Variants in MYO5A observed in about 807,000 individuals in gnomAD.
MYO5A encodes unconventional myosin-Va.
In MYO5A, 98 loss-of-function variants were observed where a neutral mutation model predicts 249.7. The ratio of observed to expected loss-of-function variants is 0.39; its 90% CI spans 0.33 to 0.46. MYO5A has a LOEUF of 0.46. MYO5A is among the 20% of genes least tolerant of loss of function. MYO5A has a pLI of 0.98. For synonymous variants in MYO5A, 778 were observed against 810.6 expected (o/e 0.96, Z 0.68); for missense variants, 1,696 against 2,308.8 (o/e 0.73, Z 5.44).
intron 1 of MYO5A, among the ~76,000 whole-genome samples, chr15:52,443,035 G>C (rs2075816923): frequency 6.6e-6 from 1 of 152,302 alleles, no homozygotes; most frequent in East Asian, 1.9e-4. Context: ...ACAGGCGTGA[G>C]CCACCGTGCC....
intron 4 of MYO5A, 108 bp downstream of exon 4, chr15:52,425,722 G>T (rs1050904926): frequency 1.6e-6 from 2 of 1,278,872 alleles, no homozygotes; most frequent in Non-Finnish European, 2.2e-6. Flanking sequence ...TGCTTATTTA[G>T]TAATTATTTA....
chr15:52,367,101 T>C lies in MYO5A; in HGVS notation c.3090A>G (p.Glu1030=), dbSNP rs1345785280. Reference sequence around the variant, plus strand: ...CTTTTTCTTGCTTCAGCAAAGTATTTTCTTCCTTCAGATTTGATACCAGCT... The same window carrying C: ...CTTTTTCTTGCTTCAGCAAAGTATTCTCTTCCTTCAGATTTGATACCAGCT... ...TEQLVSNLKE[E]NTLLKQEKEA... Residue 1030 remains glutamate (E), a synonymous_variant, in exon 23 of 42, where the codon GAA becomes GAG. Transcript: ENST00000399233. The C allele has an allele frequency of 1.9e-6, 3 of 1,613,546 alleles. No individual in the cohort carries two copies. The highest frequency in any genetic ancestry group is 2.5e-6 in the Non-Finnish European group (3 of 1,179,702).
chr15:52,475,145 T>C (rs1214665627), intron 1 of MYO5A, among the ~76,000 whole-genome samples: 1 of 152,226 alleles, frequency 6.6e-6, no homozygotes, highest in East Asian at 1.9e-4. Context: ...AATTTATCCA[T>C]TTCTTCTAGA....
At chr15:52,488,634 AAAT>A (rs1038733727) in intron 1 of MYO5A, among the ~76,000 whole-genome samples, 69 of 152,330 alleles carry the variant, frequency 4.5e-4, no homozygotes, top group African/African-American at 1.5e-3. Flanking sequence ...CATATGAGTG[AAAT>A]AATAAAATGG....
intron 9 of MYO5A, among the ~76,000 whole-genome samples, chr15:52,403,097 C>T (rs559475769): frequency 1.1e-3 from 173 of 152,258 alleles, no homozygotes; most frequent in African/African-American, 3.9e-3. Context: ...GAAAACAGTA[C>T]ACTCAAATTT....
At chr15:52,526,026 T>C (rs1318580996) in intron 1 of MYO5A, among the ~76,000 whole-genome samples, 1 of 152,198 alleles carries the variant, frequency 6.6e-6, no homozygotes, top group Non-Finnish European at 1.5e-5. Context: ...CTGCTTGCCA[T>C]TAAGCTAAGG....
At chr15:52,415,827 C>A (rs186295787) in intron 5 of MYO5A, among the ~76,000 whole-genome samples, 1 of 152,186 alleles carries the variant, frequency 6.6e-6, no homozygotes, top group Non-Finnish European at 1.5e-5. Context: ...AGGAAAGGAA[C>A]AATAGACATG....
At chr15:52,521,460 A>G (rs958785097) in intron 1 of MYO5A, among the ~76,000 whole-genome samples, 1 of 152,172 alleles carries the variant, frequency 6.6e-6, no homozygotes, top group Admixed American at 6.5e-5. Flanking sequence ...CAAAAGATGG[A>G]CAAAACCTAT....
chr15:52,439,055 G>A (rs2075729380), intron 1 of MYO5A, among the ~76,000 whole-genome samples: 1 of 152,242 alleles, frequency 6.6e-6, no homozygotes, highest in South Asian at 2.1e-4. Context: ...GTCAGTCACT[G>A]GGTTCCACAG....
intron 36 of MYO5A, among the ~76,000 whole-genome samples, 168 bp downstream of exon 36, chr15:52,327,684 T>C (rs1400676971): frequency 6.6e-6 from 1 of 152,188 alleles, no homozygotes; most frequent in Non-Finnish European, 1.5e-5. Context: ...TACTTCAGCC[T>C]AGGTGACACA....
intron 2 of MYO5A, among the ~76,000 whole-genome samples, chr15:52,432,449 T>C (rs556257458): frequency 1.3e-5 from 2 of 152,336 alleles, no homozygotes; most frequent in South Asian, 2.1e-4. Context: ...AAATCCAATA[T>C]AGTCAAATAG....
At chr15:52,491,979 G>A (rs2076944396) in intron 1 of MYO5A, among the ~76,000 whole-genome samples, 1 of 152,208 alleles carries the variant, frequency 6.6e-6, no homozygotes, top group Admixed American at 6.5e-5. Context: ...TCAACCAGTT[G>A]CAATACCTGA....
At chr15:52,419,732 T>C (rs2462847) in intron 4 of MYO5A, among the ~76,000 whole-genome samples, 41,781 of 152,034 alleles carry the variant, frequency 0.27, 6,940 homozygotes, top group East Asian at 0.64. Flanking sequence ...GGCTATCAGA[T>C]CCTCTCAAAT....
chr15:52,362,268 T>C (rs979624454), intron 24 of MYO5A, among the ~76,000 whole-genome samples: 11 of 152,236 alleles, frequency 7.2e-5, no homozygotes, highest in African/African-American at 7.2e-5. Context: ...CCTCCATTCA[T>C]ATGACGACTC....
chr15:52,502,500 C>G (rs1041931244), intron 1 of MYO5A, among the ~76,000 whole-genome samples: 1 of 152,054 alleles, frequency 6.6e-6, no homozygotes, highest in African/African-American at 2.4e-5. Flanking sequence ...CCATATTTAC[C>G]TATAGTGCAT....
chr15:52,484,749 A>C (rs1426231325), intron 1 of MYO5A, among the ~76,000 whole-genome samples: 2 of 152,088 alleles, frequency 1.3e-5, no homozygotes, highest in Non-Finnish European at 2.9e-5. Context: ...GGTTCAAGCA[A>C]TTCTCCTGCC....
intron 30 of MYO5A, among the ~76,000 whole-genome samples, chr15:52,345,887 A>C (rs1395717672): frequency 1.3e-5 from 2 of 152,188 alleles, no homozygotes; most frequent in Non-Finnish European, 2.9e-5. Flanking sequence ...TCATTCTTCT[A>C]TCCTAGAAGT....
intron 1 of MYO5A, among the ~76,000 whole-genome samples, chr15:52,484,928 GC>G (rs1314626608): frequency 6.6e-6 from 1 of 151,784 alleles, no homozygotes; most frequent in Non-Finnish European, 1.5e-5. Flanking sequence ...CACCATGTTG[GC>G]CAGGCTGGTC....
chr15:52,443,492 C>G (rs1423640561), intron 1 of MYO5A, among the ~76,000 whole-genome samples: 4 of 149,776 alleles, frequency 2.7e-5, no homozygotes, highest in African/African-American at 9.9e-5. Flanking sequence ...GCGGGTAGAT[C>G]ACGAGGTTAG....
Sources: allele counts gnomAD v4.1 joint callset (sites outside exome capture counted in the v4.1 genomes callset), GRCh38; gene constraint gnomAD v4.1.1; transcripts MANE v1.5; gene names NCBI Gene and HGNC (gene_info 2026-07-23, HGNC 2026-07-21).